The following PREX1 variants were observed in gnomAD, a reference collection of about 807,000 sequenced individuals.
PREX1 encodes the protein phosphatidylinositol 3,4,5-trisphosphate-dependent Rac exchanger 1 protein.
PREX1 carries 41 observed loss-of-function variants against 198.3 expected under a neutral mutation model. The observed-to-expected ratio is 0.21, with a 90% CI of 0.16 to 0.27. The LOEUF (loss-of-function observed/expected upper bound fraction) is 0.27, where lower values mean the gene tolerates loss of function less well. Among genes scored for constraint, PREX1 ranks in the 10% least tolerant of loss-of-function variants. PREX1 has a pLI of 1.00. For missense variants in PREX1, 1,620 were observed against 2,200.7 expected (o/e 0.74, Z 5.28); for synonymous variants, 843 against 887.2 (o/e 0.95, Z 0.89).
At chr20:48,662,592 G>A (rs771380509) in intron 15 of PREX1, among the ~76,000 whole-genome samples, 15 of 152,152 alleles carry the variant, frequency 9.9e-5, no homozygotes, top group African/African-American at 1.4e-4. Flanking sequence ...CAAGAGGGCC[G>A]GACCCCTGGT....
intron 28 of PREX1, 70 bp downstream of exon 28, chr20:48,642,337 G>A (rs2089420848): frequency 6.2e-7 from 1 of 1,604,120 alleles, no homozygotes; most frequent in Non-Finnish European, 8.5e-7. Flanking sequence ...ACAGCCCCCG[G>A]GTCATGGGCC....
intron 1 of PREX1, among the ~76,000 whole-genome samples, chr20:48,797,507 T>C (rs1201470798): frequency 6.6e-6 from 1 of 152,060 alleles, no homozygotes; most frequent in East Asian, 1.9e-4. Context: ...AAGTGGCCCA[T>C]ACAGCTGACC....
rs1365942331 is a variant in PREX1 at position 48,632,546 on chromosome 20, C to T, written c.4361G>A (p.Arg1454His). ...CCTCAGGCTGGCCCCACCCTCCAGG[C>T]GGGAGGGCAGCTTGGAGAAGTGGTA... ...DSYHFSKLPS[R>H]LEGGASLRLH... The change falls in exon 34 of 40, where the codon CGC becomes CAC. Residue 1454 changes from arginine to histidine, a missense_variant. By Grantham distance (29) the Arg-to-His change is conservative. Around this residue, in one of 7 missense-constraint regions of PREX1, gnomAD observed 476 missense variants for 603.4 expected, o/e 0.79. Transcript: ENST00000371941. The T allele has an allele frequency of 3.7e-6, 6 of 1,614,004 alleles. No homozygotes were observed. The highest frequency in any genetic ancestry group is 2.2e-5 in the East Asian group (1 of 44,860).
intron 6 of PREX1, among the ~76,000 whole-genome samples, chr20:48,703,281 T>C (rs1181152671): frequency 6.6e-6 from 1 of 152,210 alleles, no homozygotes; most frequent in African/African-American, 2.4e-5. Flanking sequence ...AGCAGCTTCC[T>C]TGTGGTCGAG....
At chr20:48,758,835 G>A (rs1357229525) in intron 1 of PREX1, among the ~76,000 whole-genome samples, 1 of 152,146 alleles carries the variant, frequency 6.6e-6, no homozygotes, top group African/African-American at 2.4e-5. Flanking sequence ...TCCCTGCTCT[G>A]TTTTCCTCAC....
chr20:48,642,279 G>A lies in PREX1; in HGVS notation c.3685-21C>T, dbSNP rs201158548. 5.1e-5 allele frequency: 83 copies of A among 1,612,936 alleles called. No homozygotes were observed. In the African/African-American group the frequency reaches 9.1e-4, roughly 18 times the overall value. ...TCCACCTGGGTGGCAAGAAGCCTGGGGTTGGTTTGGGCCCCGTGGCCCTAC... is the reference window on the plus strand; with the variant it reads ...TCCACCTGGGTGGCAAGAAGCCTGGAGTTGGTTTGGGCCCCGTGGCCCTAC... On this transcript the variant is annotated intron_variant, in intron 28 of 39. Transcript: ENST00000371941.
chr20:48,864,617 C>A, the PREX1 span, among the ~76,000 whole-genome samples: 1 of 152,192 alleles, frequency 6.6e-6, no homozygotes, highest in Middle Eastern at 3.2e-3. Flanking sequence ...AAGATTTAAA[C>A]CCAGGTCATG....
chr20:48,683,850 A>G (rs1187819270), intron 10 of PREX1, among the ~76,000 whole-genome samples: 1 of 152,124 alleles, frequency 6.6e-6, no homozygotes, highest in Non-Finnish European at 1.5e-5. Context: ...GGGCACTGCT[A>G]GCCACCTCTG....
rs974416137 is a variant in PREX1 at position 48,676,668 on chromosome 20, G to A, written c.1590-400C>T. On this transcript the variant is annotated intron_variant, in intron 13 of 39. Transcript: ENST00000371941. ...GTGTGTAGAGGCCGGGGATGCTGCT[G>A]AAGATCCTACAATGCCAGGCAGCCC... Among the ~76,000 whole-genome samples the A allele has an allele frequency of 2.6e-5, 4 of 152,108 alleles. No individual in the cohort carries two copies. In the East Asian group the frequency reaches 5.8e-4, roughly 22 times the overall value.
At chr20:48,814,581 G>A (rs182563582) in intron 1 of PREX1, among the ~76,000 whole-genome samples, 2 of 152,278 alleles carry the variant, frequency 1.3e-5, no homozygotes, top group East Asian at 1.9e-4. Context: ...GGTGGGGCCT[G>A]GACAGAATGA....
At chr20:48,642,100 G>A (rs573445412) in intron 29 of PREX1, 68 bp downstream of exon 29, 25 of 1,510,146 alleles carry the variant, frequency 1.7e-5, no homozygotes, top group East Asian at 6.8e-5. Flanking sequence ...GCATTAGCCC[G>A]GGTACGCCGC....
At chr20:48,812,369 A>T (rs939613518) in intron 1 of PREX1, among the ~76,000 whole-genome samples, 3 of 151,630 alleles carry the variant, frequency 2.0e-5, no homozygotes, top group Admixed American at 2.0e-4. Flanking sequence ...ATGGGTAAAT[A>T]ATATAAGAGG....
intron 6 of PREX1, among the ~76,000 whole-genome samples, chr20:48,705,459 C>G (rs1054563014): frequency 6.6e-6 from 1 of 152,182 alleles, no homozygotes; most frequent in Admixed American, 6.5e-5. Flanking sequence ...AAAAACAAGC[C>G]CCTTGTCAGA....
chr20:48,703,219 A>G (rs775634627), intron 6 of PREX1, among the ~76,000 whole-genome samples: 1 of 152,212 alleles, frequency 6.6e-6, no homozygotes, highest in Non-Finnish European at 1.5e-5. Context: ...CCAGTTGGGT[A>G]CAACAAACCC....
At chr20:48,726,257 T>C in intron 5 of PREX1, 33 bp downstream of exon 5, 1 of 1,565,162 alleles carries the variant, frequency 6.4e-7, no homozygotes, top group South Asian at 1.1e-5. Flanking sequence ...AGCCAAAGAG[T>C]TTTCTGTCAC....
the PREX1 span, among the ~76,000 whole-genome samples, chr20:48,865,237 G>A: frequency 6.6e-6 from 1 of 152,202 alleles, no homozygotes; most frequent in Non-Finnish European, 1.5e-5. Flanking sequence ...ACAGCCTTTG[G>A]CCAGCAGTTT....
chr20:48,763,887 A>G (rs947590887), intron 1 of PREX1, among the ~76,000 whole-genome samples: 2 of 152,012 alleles, frequency 1.3e-5, no homozygotes, highest in Non-Finnish European at 2.9e-5. Flanking sequence ...TCAACTATGT[A>G]CCCAATGCTT....
chr20:48,716,202 T>C (rs2089961665), intron 5 of PREX1, among the ~76,000 whole-genome samples: 1 of 152,164 alleles, frequency 6.6e-6, no homozygotes. Flanking sequence ...CCTCGAGTCC[T>C]GTGTGGTTTC....
intron 1 of PREX1, among the ~76,000 whole-genome samples, chr20:48,757,253 G>A (rs1391216154): frequency 1.3e-5 from 2 of 151,726 alleles, no homozygotes; most frequent in Non-Finnish European, 2.9e-5. Context: ...CCCTCCACCT[G>A]CACTGAGCTG....
Sources: gnomAD v4.1 joint callset for allele counts (sites outside exome capture counted in the v4.1 genomes callset) on GRCh38, gnomAD v4.1.1 for gene constraint, gnomAD v4.1.1 regional missense constraint, MANE v1.5 for transcripts, NCBI Gene and HGNC (gene_info 2026-07-23, HGNC 2026-07-21) for gene names.